Variants in PANX1 observed in about 807,000 individuals in gnomAD.
PANX1 encodes the protein pannexin-1.
A neutral mutation model predicts 38.7 loss-of-function variants in PANX1; 30 were observed. That is an observed-to-expected ratio of 0.78 (90% confidence interval 0.58 to 1.05). PANX1 has a LOEUF of 1.05. Among genes scored for constraint, PANX1 ranks in the 50% least tolerant of loss-of-function variants. The pLI, the probability that PANX1 is intolerant of heterozygous loss-of-function variation, is 0.00. For missense variants in PANX1, 551 were observed against 517.2 expected (o/e 1.07, Z -0.63); for synonymous variants, 230 against 212.2 (o/e 1.08, Z -0.73).
At chr11:94,175,511 G>A (rs1262871686) in intron 2 of PANX1, among the ~76,000 whole-genome samples, 1 of 151,720 alleles carries the variant, frequency 6.6e-6, no homozygotes, top group Non-Finnish European at 1.5e-5. Flanking sequence ...TTAATTCAAG[G>A]GAACAGTTCG....
chr11:94,160,334 G>A (rs543592531), intron 2 of PANX1, among the ~76,000 whole-genome samples: 83 of 152,290 alleles, frequency 5.5e-4, no homozygotes, highest in Non-Finnish European at 1.0e-3. Context: ...AGGTGTTAAA[G>A]TCTCCCATTA....
rs1042822034 is a variant in PANX1, at chr11:94,180,200, A to C, written c.1144A>C (p.Thr382Pro). Residue 382 changes from threonine (T) to proline (P), a missense_variant, in exon 4 of 5, where the codon ACT (threonine) becomes CCT (proline). By Grantham distance (38) the Thr-to-Pro change is conservative. Coordinates refer to ENST00000227638, the MANE Select transcript of PANX1 (RefSeq NM_015368.4). ...CAAGATGGATGTTGTTGATGGCAAA[A>C]CTCCCATGTCTGCAGAGATGAGAGA... is the stretch of plus-strand genomic sequence containing the variant. ...MIKMDVVDGK[T>P]PMSAEMREEQ... 5 of 1,613,274 alleles carry C rather than the reference A, an allele frequency of 3.1e-6. No individual in the cohort carries two copies. The East Asian group carries it at 1.1e-4, about 36-fold the overall frequency.
At chr11:94,133,513 T>A (rs967217541) in intron 1 of PANX1, among the ~76,000 whole-genome samples, 13 of 152,162 alleles carry the variant, frequency 8.5e-5, no homozygotes, top group Admixed American at 8.5e-4. Flanking sequence ...AAGGAGACTC[T>A]TCTGAGTTGT....
At chr11:94,162,023 G>A (rs988710490) in intron 2 of PANX1, among the ~76,000 whole-genome samples, 3 of 152,210 alleles carry the variant, frequency 2.0e-5, no homozygotes, top group Admixed American at 2.0e-4. Flanking sequence ...ATCGGAGGCT[G>A]CAGAACAGCA....
At position 94,152,955 on chromosome 11, in the gene PANX1, TC is replaced by T. The variant is rs1690221939; in HGVS notation, c.182-535del. On this transcript the variant is annotated intron_variant, in intron 1 of 4. Coordinates refer to ENST00000227638, the MANE Select transcript of PANX1 (RefSeq NM_015368.4). ...AGTTGGGCTGCAGTTTCAGCCTGTT[TC>T]TTCTTTAGTGTTACAGGAGGTAGGA... Among the ~76,000 whole-genome samples the T allele has an allele frequency of 2.6e-5, 4 of 152,252 alleles. No homozygotes were observed. In the South Asian group the frequency reaches 8.3e-4, roughly 32 times the overall value.
Position 94,169,354 on chromosome 11 carries a change from A to G in PANX1, c.322-9015A>G, listed in dbSNP as rs1046765193. ...TATCTTGTAAAGAAAGATGGTGTCA[A>G]TGTGATAACCTGTGTCAGATGCTGC... On this transcript the variant is annotated intron_variant, in intron 2 of 4. Transcript: ENST00000227638. Among the ~76,000 whole-genome samples the G allele has an allele frequency of 9.0e-4, 136 of 151,674 alleles. 7 individuals are homozygous for G. The highest frequency in any genetic ancestry group is 3.1e-3 in the African/African-American group (128 of 41,006).
At chr11:94,161,237 C>T (rs531444038) in intron 2 of PANX1, among the ~76,000 whole-genome samples, 11 of 151,880 alleles carry the variant, frequency 7.2e-5, no homozygotes, top group East Asian at 5.8e-4. Context: ...ATCTTTGTGG[C>T]GTTCTCTGTA....
At chr11:94,175,827 G>A (rs1421860118) in intron 2 of PANX1, 1 of 984,532 alleles carries the variant, frequency 1.0e-6, no homozygotes, top group Non-Finnish European at 1.2e-6. Context: ...TTTGCAAATT[G>A]GGTTAATACT....
intron 2 of PANX1, among the ~76,000 whole-genome samples, chr11:94,168,156 G>C (rs1340260562): frequency 2.6e-5 from 4 of 152,042 alleles, no homozygotes; most frequent in Non-Finnish European, 5.9e-5. Context: ...GAAGAGAGAG[G>C]AACAAGCTGG....
intron 1 of PANX1, among the ~76,000 whole-genome samples, chr11:94,148,864 C>T (rs186607928): frequency 6.6e-6 from 1 of 152,196 alleles, no homozygotes; most frequent in East Asian, 1.9e-4. Context: ...TCTCCTGGCT[C>T]CTTCCTTCTC....
At chr11:94,130,694 A>G (rs1189844392) in intron 1 of PANX1, among the ~76,000 whole-genome samples, 3 of 152,166 alleles carry the variant, frequency 2.0e-5, no homozygotes, top group Non-Finnish European at 4.4e-5. Context: ...TTGCTGTGCG[A>G]TCAAGGAGTA....
chr11:94,147,487 G>A lies in PANX1; in HGVS notation c.182-6004G>A, dbSNP rs532970903. 6.0e-4 allele frequency among the ~76,000 whole-genome samples: 91 copies of A among 152,166 alleles called. 1 individual carries two copies. The highest frequency in any genetic ancestry group is 1.1e-3 in the Non-Finnish European group (74 of 68,004). ...TGAGGGACTGGACTTGGTAACACAGGGAGGAAACCCCTCAAACTGCTACTT... is the reference window on the plus strand; with the variant it reads ...TGAGGGACTGGACTTGGTAACACAGAGAGGAAACCCCTCAAACTGCTACTT... On this transcript the variant is annotated intron_variant, in intron 1 of 4. Coordinates refer to ENST00000227638, the MANE Select transcript of PANX1 (RefSeq NM_015368.4).
At chr11:94,139,273 G>A (rs1039427949) in intron 1 of PANX1, among the ~76,000 whole-genome samples, 4 of 152,204 alleles carry the variant, frequency 2.6e-5, no homozygotes, top group Non-Finnish European at 4.4e-5. Flanking sequence ...CAGGGAAACT[G>A]AAGCTCAGCA....
intron 4 of PANX1, among the ~76,000 whole-genome samples, 190 bp from the exon 5 acceptor site, chr11:94,180,600 G>A (rs1947294632): frequency 6.6e-6 from 1 of 152,036 alleles, no homozygotes; most frequent in African/African-American, 2.4e-5. Context: ...TTCTACCTCT[G>A]ATCTCCTTCT....
At chr11:94,173,532 G>A (rs115943817) in intron 2 of PANX1, among the ~76,000 whole-genome samples, 8 of 151,412 alleles carry the variant, frequency 5.3e-5, no homozygotes, top group African/African-American at 9.8e-5. Flanking sequence ...TCACCTGAAG[G>A]TTCCACCCCG....
At chr11:94,130,545 T>C (rs537933137) in intron 1 of PANX1, among the ~76,000 whole-genome samples, 11 of 142,188 alleles carry the variant, frequency 7.7e-5, no homozygotes, top group African/African-American at 2.7e-4. Context: ...GAGGACAGAC[T>C]GGTTGAATGA....
chr11:94,135,823 G>C (rs568700151), intron 1 of PANX1, among the ~76,000 whole-genome samples: 56 of 152,270 alleles, frequency 3.7e-4, no homozygotes, highest in African/African-American at 1.3e-3. Flanking sequence ...AGCATAACGT[G>C]TACACCTTAT....
intron 1 of PANX1, among the ~76,000 whole-genome samples, chr11:94,147,607 G>A (rs532162186): frequency 6.6e-6 from 1 of 152,262 alleles, no homozygotes; most frequent in African/African-American, 2.4e-5. Flanking sequence ...CGTTTCTGTT[G>A]CTGCACTTAG....
chr11:94,159,705 GT>G (rs1002821740), intron 2 of PANX1, among the ~76,000 whole-genome samples: 7 of 151,788 alleles, frequency 4.6e-5, no homozygotes, highest in Middle Eastern at 3.4e-3. Context: ...TGTTTGAAGG[GT>G]TTTTTTGTGT....
Sources: allele counts gnomAD v4.1 joint callset (sites outside exome capture counted in the v4.1 genomes callset), GRCh38; gene constraint gnomAD v4.1.1; transcripts MANE v1.5; gene names NCBI Gene and HGNC (gene_info 2026-07-23, HGNC 2026-07-21).